The following SCAPER variants were observed in gnomAD, a reference collection of about 807,000 sequenced individuals.
The protein encoded by SCAPER is S phase cyclin A-associated protein in the endoplasmic reticulum.
SCAPER carries 98 observed loss-of-function variants against 182.2 expected under a neutral mutation model. That is an observed-to-expected ratio of 0.54 (90% confidence interval 0.46 to 0.64). SCAPER has a LOEUF of 0.64. SCAPER is among the 30% of genes least tolerant of loss of function. The pLI is 0.00. For missense variants in SCAPER, 1,432 were observed against 1,690.0 expected (o/e 0.85, Z 2.68); for synonymous variants, 605 against 564.6 (o/e 1.07, Z -1.01).
At chr15:76,353,346 T>C (rs2040724728) in intron 30 of SCAPER, among the ~76,000 whole-genome samples, 1 of 152,220 alleles carries the variant, frequency 6.6e-6, no homozygotes, top group African/African-American at 2.4e-5. Context: ...AGTTAGTTAG[T>C]AGCAAATGTT....
intron 4 of SCAPER, among the ~76,000 whole-genome samples, chr15:76,854,803 C>CAAA (rs35484908): frequency 0.011 from 1,314 of 118,314 alleles, 21 homozygotes; most frequent in South Asian, 0.049. Flanking sequence ...ACTAAAAATA[C>CAAA]AAAAAAAAAA....
At chr15:76,348,992 T>C (rs889395767) in intron 31 of SCAPER, 1 of 257,292 alleles carries the variant, frequency 3.9e-6, no homozygotes, top group Non-Finnish European at 7.4e-6. Context: ...CTATATAAAT[T>C]ACAAAAAGAT....
chr15:76,691,863 C>A (rs1407635057), intron 20 of SCAPER, among the ~76,000 whole-genome samples: 1 of 152,032 alleles, frequency 6.6e-6, no homozygotes, highest in South Asian at 2.1e-4. Context: ...TAAATGAAAC[C>A]CAGCTTATCT....
rs573252194 is a variant in SCAPER, at chr15:76,724,755, G to A, written c.2165+3840C>T. 1.2e-4 allele frequency among the ~76,000 whole-genome samples: 18 copies of A among 152,024 alleles called. 1 individual carries two copies. In the South Asian group the frequency reaches 1.5e-3, roughly 12 times the overall value. The stretch of plus-strand genomic sequence containing the variant: ...CTTGTGCATTTGTCACGTAGTTCTC[G>A]TGCCATGGTTTTCAGCTCTATCAGG... On this transcript the variant is annotated intron_variant, in intron 17 of 31. Transcript: ENST00000563290.
chr15:76,369,475 A>G (rs1053078492), intron 29 of SCAPER, among the ~76,000 whole-genome samples: 2 of 152,168 alleles, frequency 1.3e-5, no homozygotes, highest in East Asian at 3.9e-4. Context: ...GGCTCTGCCA[A>G]TTCTCGCTTG....
intron 23 of SCAPER, among the ~76,000 whole-genome samples, chr15:76,523,555 G>A (rs893354899): frequency 4.0e-5 from 6 of 151,878 alleles, no homozygotes; most frequent in Admixed American, 3.9e-4. Flanking sequence ...TTACATCCAG[G>A]GAATCATTTA....
intron 20 of SCAPER, among the ~76,000 whole-genome samples, chr15:76,673,628 T>G (rs1485788492): frequency 1.3e-5 from 2 of 152,106 alleles, no homozygotes; most frequent in East Asian, 3.8e-4. Context: ...TACACGTATT[T>G]CATTTCTTCA....
intron 15 of SCAPER, among the ~76,000 whole-genome samples, chr15:76,749,080 C>T (rs1023333862): frequency 6.6e-6 from 1 of 151,860 alleles, no homozygotes; most frequent in Non-Finnish European, 1.5e-5. Context: ...TACAGAACAC[C>T]CTCGGTCATG....
chr15:76,706,887 A>G (rs1182959223), intron 17 of SCAPER, among the ~76,000 whole-genome samples: 2 of 152,058 alleles, frequency 1.3e-5, no homozygotes, highest in Non-Finnish European at 2.9e-5. Flanking sequence ...ACACAAAGAA[A>G]TGTATAAATA....
chr15:76,765,875 T>C (rs1273395035), intron 11 of SCAPER, among the ~76,000 whole-genome samples: 1 of 152,162 alleles, frequency 6.6e-6, no homozygotes, highest in Non-Finnish European at 1.5e-5. Flanking sequence ...ATGAAGTAAA[T>C]TTAAGAAATA....
intron 15 of SCAPER, among the ~76,000 whole-genome samples, chr15:76,734,405 A>G (rs1048938027): frequency 5.3e-5 from 8 of 152,216 alleles, no homozygotes; most frequent in Admixed American, 3.9e-4. Flanking sequence ...GCCACAGACT[A>G]CAGGAATCCA....
chr15:76,762,422 T>C (rs1255144686), intron 14 of SCAPER, among the ~76,000 whole-genome samples: 1 of 151,960 alleles, frequency 6.6e-6, no homozygotes, highest in Non-Finnish European at 1.5e-5. Context: ...TTTGTGTATT[T>C]ACAATAGGTT....
At chr15:76,529,418 C>G (rs1160372486) in intron 23 of SCAPER, among the ~76,000 whole-genome samples, 5 of 152,238 alleles carry the variant, frequency 3.3e-5, no homozygotes, top group Non-Finnish European at 5.9e-5. Flanking sequence ...TCTACTTCTA[C>G]TTCTAGGAAT....
chr15:76,417,512 T>C (rs1181706953), intron 26 of SCAPER, among the ~76,000 whole-genome samples: 1 of 152,204 alleles, frequency 6.6e-6, no homozygotes, highest in Non-Finnish European at 1.5e-5. Context: ...TTAAGTAACT[T>C]AATAGGACAT....
At chr15:76,413,922 G>A (rs2045475690) in intron 26 of SCAPER, among the ~76,000 whole-genome samples, 6 of 152,138 alleles carry the variant, frequency 3.9e-5, no homozygotes, top group Admixed American at 3.9e-4. Context: ...CCATGAAACT[G>A]TGGGCTAACT....
At chr15:76,749,881 G>A (rs766948048) in intron 15 of SCAPER, among the ~76,000 whole-genome samples, 10 of 151,792 alleles carry the variant, frequency 6.6e-5, no homozygotes, top group Non-Finnish European at 1.5e-4. Context: ...TTCAAAAGCT[G>A]ATCCTGTAAC....
intron 11 of SCAPER, among the ~76,000 whole-genome samples, chr15:76,765,952 T>C (rs746579098): frequency 2.0e-5 from 3 of 152,184 alleles, no homozygotes; most frequent in Non-Finnish European, 2.9e-5. Flanking sequence ...GAATTGAAGA[T>C]TGTTTGGCAT....
At chr15:76,871,395 C>T (rs1452370329) in intron 2 of SCAPER, among the ~76,000 whole-genome samples, 4 of 126,988 alleles carry the variant, frequency 3.1e-5, no homozygotes, top group African/African-American at 6.4e-5. Context: ...GGGGACAGAA[C>T]GAGACTCCAT....
intron 23 of SCAPER, among the ~76,000 whole-genome samples, chr15:76,565,478 T>C (rs966573031): frequency 6.6e-6 from 1 of 152,036 alleles, no homozygotes; most frequent in South Asian, 2.1e-4. Context: ...CACAATAAGA[T>C]ATCATCTCAC....
Sources: gnomAD v4.1 joint callset for allele counts (sites outside exome capture counted in the v4.1 genomes callset) on GRCh38, gnomAD v4.1.1 for gene constraint, MANE v1.5 for transcripts, NCBI Gene and HGNC (gene_info 2026-07-23, HGNC 2026-07-21) for gene names.